Variants in PDE6A observed in about 807,000 individuals in gnomAD.
PDE6A encodes the protein rod cGMP-specific 3',5'-cyclic phosphodiesterase subunit alpha.
In PDE6A, 84 loss-of-function variants were observed where a neutral mutation model predicts 106.3. The ratio of observed to expected loss-of-function variants is 0.79; its 90% CI spans 0.66 to 0.95. The LOEUF is 0.95. Among genes scored for constraint, PDE6A ranks in the 40% least tolerant of loss-of-function variants. The pLI is 0.00. For synonymous variants in PDE6A, 394 were observed against 386.6 expected (o/e 1.02, Z -0.23); for missense variants, 1,052 against 1,084.9 (o/e 0.97, Z 0.43).
chr5:149,928,209 C>CTATATA (rs1213238607), intron 4 of PDE6A, among the ~76,000 whole-genome samples: 860 of 43,770 alleles, frequency 0.02, 18 homozygotes, highest in Admixed American at 0.03. Context: ...ATTGTATGTG[C>CTATATA]TATATATATA....
At chr5:149,861,604 C>T (rs1400265005) in intron 21 of PDE6A, among the ~76,000 whole-genome samples, 1 of 152,106 alleles carries the variant, frequency 6.6e-6, no homozygotes, top group African/African-American at 2.4e-5. Context: ...GAGCTATGAT[C>T]GTGCCACTGC....
At chr5:149,880,623 G>A (rs1760888085) in intron 17 of PDE6A, among the ~76,000 whole-genome samples, 1 of 152,062 alleles carries the variant, frequency 6.6e-6, no homozygotes, top group African/African-American at 2.4e-5. Context: ...TGAGGCAGGA[G>A]AAGCCCTTGA....
chr5:149,915,104 A>T, intron 5 of PDE6A, 97 bp from the exon 6 acceptor site: 1 of 701,406 alleles, frequency 1.4e-6, no homozygotes, highest in Non-Finnish European at 2.4e-6. Flanking sequence ...GCTTGATCTC[A>T]GCTCACTGCA....
At chr5:149,862,398 A>C (rs1229192436) in intron 21 of PDE6A, among the ~76,000 whole-genome samples, 8 of 152,246 alleles carry the variant, frequency 5.3e-5, no homozygotes, top group Non-Finnish European at 1.0e-4. Context: ...GGTGGTATAC[A>C]AGCATAAGCT....
chr5:149,862,082 C>A (rs1760164325), intron 21 of PDE6A, among the ~76,000 whole-genome samples: 1 of 152,108 alleles, frequency 6.6e-6, no homozygotes, highest in African/African-American at 2.4e-5. Context: ...CTGACATTTT[C>A]CATGTGTAAG....
chr5:149,916,550 C>A (rs1418983645), intron 5 of PDE6A, among the ~76,000 whole-genome samples: 1 of 152,202 alleles, frequency 6.6e-6, no homozygotes, highest in African/African-American at 2.4e-5. Flanking sequence ...TCTCTCCCGC[C>A]TCCTTGCATT....
At chr5:149,932,231 A>C (rs1356311688) in intron 3 of PDE6A, 2 of 1,388,410 alleles carry the variant, frequency 1.4e-6, no homozygotes, top group Admixed American at 1.7e-5. Flanking sequence ...CATAAAGAGA[A>C]TCATTTCTGA....
chr5:149,897,799 C>A (rs1752811825), intron 10 of PDE6A, among the ~76,000 whole-genome samples: 1 of 152,102 alleles, frequency 6.6e-6, no homozygotes, highest in Non-Finnish European at 1.5e-5. Context: ...GTTGCCCAGG[C>A]TGGTCTCAAA....
intron 4 of PDE6A, among the ~76,000 whole-genome samples, chr5:149,926,113 G>C (rs1450564440): frequency 6.6e-6 from 1 of 152,046 alleles, no homozygotes; most frequent in Non-Finnish European, 1.5e-5. Context: ...ATGGTGGCAC[G>C]TGTCTGTAAT....
intron 17 of PDE6A, among the ~76,000 whole-genome samples, chr5:149,881,943 TAAG>T (rs1760942716): frequency 6.6e-6 from 1 of 150,970 alleles, no homozygotes; most frequent in African/African-American, 2.5e-5. Flanking sequence ...TCCCAACTAC[TAAG>T]GAGGCTGAGG....
chr5:149,896,161 C>A (rs576684595), intron 12 of PDE6A, among the ~76,000 whole-genome samples, 195 bp downstream of exon 12: 1 of 152,230 alleles, frequency 6.6e-6, no homozygotes, highest in Non-Finnish European at 1.5e-5. Flanking sequence ...CAAAACATCA[C>A]ACTTCACAGG....
chr5:149,860,994 A>G, intron 21 of PDE6A, 23 bp from the exon 22 acceptor site: 1 of 1,611,056 alleles, frequency 6.2e-7, no homozygotes, highest in East Asian at 2.2e-5. Context: ...AGGAAAAAGA[A>G]CACACCAGGT....
chr5:149,876,366 T>C (rs1581158123), intron 17 of PDE6A, among the ~76,000 whole-genome samples: 1 of 150,104 alleles, frequency 6.7e-6, no homozygotes, highest in East Asian at 1.9e-4. Flanking sequence ...TTTTTTTTTT[T>C]TTTTTAACCA....
At chr5:149,910,054 T>G (rs1753327395) in intron 6 of PDE6A, among the ~76,000 whole-genome samples, 1 of 152,184 alleles carries the variant, frequency 6.6e-6, no homozygotes, top group Non-Finnish European at 1.5e-5. Context: ...TTTCTGTTAG[T>G]TTTTGTTTTA....
chr5:149,920,249 A>G (rs1753663922), intron 5 of PDE6A, among the ~76,000 whole-genome samples: 1 of 152,152 alleles, frequency 6.6e-6, no homozygotes, highest in Non-Finnish European at 1.5e-5. Flanking sequence ...GAGGTTGATA[A>G]AAACAAAAAT....
In PDE6A at chr5:149,878,359, C is replaced by T. The variant is rs140560173; in HGVS notation, c.2135+5070G>A. 1.2e-3 allele frequency among the ~76,000 whole-genome samples: 179 copies of T among 152,070 alleles called. 1 individual carries two copies. Among genetic ancestry groups the T allele is most frequent in the African/African-American group, 4.2e-3 (175 of 41,480 alleles). ...CCTTTCATTTGATGTCATTTCTTTG[C>T]AAATCTGTAAGATATTCCATTGTAT... On this transcript the variant is annotated intron_variant, in intron 17 of 21. Transcript: ENST00000255266.
intron 1 of PDE6A, among the ~76,000 whole-genome samples, chr5:149,937,812 G>A (rs914365919): frequency 6.6e-6 from 1 of 152,120 alleles, no homozygotes; most frequent in Non-Finnish European, 1.5e-5. Flanking sequence ...ATAATGACTA[G>A]GCTCAGAGCC....
At chr5:149,943,660 G>A (rs1466708417) in intron 1 of PDE6A, among the ~76,000 whole-genome samples, 5 of 148,854 alleles carry the variant, frequency 3.4e-5, no homozygotes, top group South Asian at 2.1e-4. Flanking sequence ...CTATGATTCC[G>A]TCATTGTACT....
Position 149,858,223 on chromosome 5 carries a change from A to G in PDE6A, c.*2672T>C, listed in dbSNP as rs1760004637. 1.3e-5 allele frequency: 2 copies of G among 152,122 alleles called. No individual in the cohort carries two copies. The highest frequency in any genetic ancestry group is 4.8e-5 in the African/African-American group (2 of 41,420). The allele number at this position is 152,122 out of a possible 1,614,324, so 9.4% of individuals were successfully genotyped here. A position where few individuals can be genotyped will look rare whatever the true frequency, so the allele number is the denominator to read the frequency against. On this transcript the variant is annotated 3_prime_UTR_variant, in exon 22 of 22. Transcript: ENST00000255266. ...AAACATCACAGTGTATACCTTAAATATGTATACTTTTTATTTGCTAATTAT... is the reference window on the plus strand; with the variant it reads ...AAACATCACAGTGTATACCTTAAATGTGTATACTTTTTATTTGCTAATTAT...
Sources: allele counts gnomAD v4.1 joint callset (sites outside exome capture counted in the v4.1 genomes callset), GRCh38; gene constraint gnomAD v4.1.1; transcripts MANE v1.5; gene names NCBI Gene and HGNC (gene_info 2026-07-23, HGNC 2026-07-21).